DNAJC11: variants seen among roughly 807,000 people sequenced by gnomAD.
DNAJC11 encodes the protein dnaJ homolog subfamily C member 11.
Under a neutral mutation model 78.6 loss-of-function variants are expected in DNAJC11, and 15 were observed. The ratio of observed to expected loss-of-function variants is 0.19; its 90% CI spans 0.13 to 0.29. The LOEUF is 0.29. Ranked by LOEUF, DNAJC11 falls within the 10% of genes least tolerant of loss-of-function variation. The pLI, the probability that DNAJC11 is intolerant of heterozygous loss-of-function variation, is 1.00. For synonymous variants in DNAJC11, 292 were observed against 272.1 expected (o/e 1.07, Z -0.72); for missense variants, 547 against 709.6 (o/e 0.77, Z 2.60).
intron 10 of DNAJC11, among the ~76,000 whole-genome samples, chr1:6,643,509 T>G (rs999892430): frequency 2.0e-5 from 3 of 152,024 alleles, no homozygotes; most frequent in Non-Finnish European, 4.4e-5. Flanking sequence ...TCTCCTGACC[T>G]CGTGATCTGC....
chr1:6,659,478 G>A (rs972098839), intron 4 of DNAJC11, among the ~76,000 whole-genome samples: 1 of 152,230 alleles, frequency 6.6e-6, no homozygotes, highest in African/African-American at 2.4e-5. Context: ...TAAAACTGCA[G>A]GCTGGGCATG....
At chr1:6,644,437 C>T (rs1257215658) in intron 10 of DNAJC11, 121 bp downstream of exon 10, 2 of 796,370 alleles carry the variant, frequency 2.5e-6, no homozygotes, top group East Asian at 4.9e-5. Flanking sequence ...CCTAGCCAAG[C>T]AACTGTGTCT....
At position 6,690,784 on chromosome 1, in the gene DNAJC11, C is replaced by T. The variant is rs1484732070; in HGVS notation, c.73-9747G>A. 3.3e-5 allele frequency among the ~76,000 whole-genome samples: 5 copies of T among 152,084 alleles called. No individual in the cohort carries two copies. The East Asian group carries it at 7.7e-4, about 23-fold the overall frequency. ...CCAAAAATACAAAAAATTAGCTGGG[C>T]GTGGTGGCGGGCGCCTGTAGTCCCA... On this transcript the variant is annotated intron_variant, in intron 1 of 15. Transcript: ENST00000377577.
intron 10 of DNAJC11, among the ~76,000 whole-genome samples, chr1:6,644,078 G>A (rs993610829): frequency 2.6e-5 from 4 of 151,974 alleles, no homozygotes; most frequent in Non-Finnish European, 5.9e-5. Flanking sequence ...CACCATGTTA[G>A]CCAGGATGGT....
intron 7 of DNAJC11, chr1:6,651,230 C>A: frequency 1.6e-6 from 1 of 616,876 alleles, no homozygotes; most frequent in Non-Finnish European, 3.2e-6. Flanking sequence ...GGTCCACTGA[C>A]CAACTCTCCC....
intron 4 of DNAJC11, among the ~76,000 whole-genome samples, chr1:6,661,051 G>A (rs1381569121): frequency 1.3e-5 from 2 of 152,210 alleles, no homozygotes; most frequent in Admixed American, 6.5e-5. Flanking sequence ...GACTGCACAC[G>A]TGCCAGGTGT....
chr1:6,671,811 C>T lies in DNAJC11; in HGVS notation c.277-4001G>A, dbSNP rs148203001. 5.2e-3 allele frequency among the ~76,000 whole-genome samples: 793 copies of T among 152,236 alleles called. 9 individuals are homozygous for T. Among genetic ancestry groups the T allele is most frequent in the African/African-American group, 0.018 (728 of 41,548 alleles). ...CCTCCCAAAGTGGCGTGAGCCACTG[C>T]GCCCAGCGATATTTTATTTTATTTT... On this transcript the variant is annotated intron_variant, in intron 3 of 15. Transcript: ENST00000377577.
At chr1:6,688,764 C>T (rs1363079760) in intron 1 of DNAJC11, among the ~76,000 whole-genome samples, 2 of 152,136 alleles carry the variant, frequency 1.3e-5, no homozygotes, top group East Asian at 1.9e-4. Context: ...AATAACAGGC[C>T]GGTGTTGGGG....
At chr1:6,688,321 C>T (rs1642689753) in intron 1 of DNAJC11, among the ~76,000 whole-genome samples, 1 of 152,112 alleles carries the variant, frequency 6.6e-6, no homozygotes, top group Non-Finnish European at 1.5e-5. Context: ...AAATAAATTC[C>T]TTCCAATAAT....
chr1:6,686,842 A>G (rs1253035774), intron 1 of DNAJC11, among the ~76,000 whole-genome samples: 1 of 152,236 alleles, frequency 6.6e-6, no homozygotes, highest in Non-Finnish European at 1.5e-5. Flanking sequence ...TAAAGCCACC[A>G]GGTTTTTTGT....
At chr1:6,670,616 G>T (rs1166329950) in intron 3 of DNAJC11, 1 of 152,220 alleles carries the variant, frequency 6.6e-6, no homozygotes, top group African/African-American at 2.4e-5. Context: ...ACTAAAAAGG[G>T]GGAAGTGGTT....
intron 3 of DNAJC11, among the ~76,000 whole-genome samples, chr1:6,671,817 G>A (rs934898632): frequency 5.3e-5 from 8 of 152,104 alleles, no homozygotes; most frequent in Non-Finnish European, 1.0e-4. Context: ...ACTGCGCCCA[G>A]CGATATTTTA....
At chr1:6,644,444 G>T in intron 10 of DNAJC11, 114 bp downstream of exon 10, 2 of 837,614 alleles carry the variant, frequency 2.4e-6, no homozygotes, top group Non-Finnish European at 4.0e-6. Context: ...AAGCAACTGT[G>T]TCTTTAAGAA....
chr1:6,684,990 G>C (rs762088749), intron 1 of DNAJC11, among the ~76,000 whole-genome samples: 2 of 152,150 alleles, frequency 1.3e-5, no homozygotes, highest in Non-Finnish European at 2.9e-5. Flanking sequence ...TAACAGGGCT[G>C]GGTGCAATGG....
In DNAJC11 at chr1:6,635,714, G is replaced by A. The variant is rs1641752461; in HGVS notation, c.1655-14C>T. 6.2e-7 allele frequency: 1 copy of A among 1,613,996 alleles called. No individual in the cohort carries two copies. Among genetic ancestry groups the A allele is most frequent in the Non-Finnish European group, 8.5e-7 (1 of 1,180,008 alleles). Reference sequence around the variant, plus strand: ...CGATCCTGTGGGCTGTAAAGGAAAAGACAGACGCAGGTGATCAGAAGGTGG... The same window carrying A: ...CGATCCTGTGGGCTGTAAAGGAAAAAACAGACGCAGGTGATCAGAAGGTGG... On this transcript the variant is annotated splice_polypyrimidine_tract_variant and intron_variant, in intron 15 of 15. Transcript: ENST00000377577.
chr1:6,667,631 C>T (rs1642312520), intron 4 of DNAJC11, 78 bp downstream of exon 4: 3 of 1,182,092 alleles, frequency 2.5e-6, no homozygotes, highest in Non-Finnish European at 3.8e-6. Flanking sequence ...TCCACCAGCA[C>T]CTCATTATTT....
chr1:6,644,749 G>T, intron 9 of DNAJC11, 75 bp from the exon 10 acceptor site: 2 of 1,293,200 alleles, frequency 1.5e-6, no homozygotes, highest in Non-Finnish European at 2.2e-6. Context: ...TTGAGAAGAG[G>T]CCAGGTACCT....
intron 3 of DNAJC11, among the ~76,000 whole-genome samples, chr1:6,669,520 GAAAAGAAAAGA>G (rs1557480262): frequency 2.1e-4 from 20 of 95,046 alleles, no homozygotes; most frequent in African/African-American, 9.0e-4. Context: ...TCTTAGAAAA[GAAAAGAAAAGA>G]AAAGAAAAGA....
chr1:6,693,050 C>T (rs144927445), intron 1 of DNAJC11, among the ~76,000 whole-genome samples: 4 of 151,784 alleles, frequency 2.6e-5, no homozygotes, highest in Admixed American at 2.6e-4. Context: ...GGATTACAGG[C>T]GAGCATCACC....
Sources: gnomAD v4.1 joint callset for allele counts (sites outside exome capture counted in the v4.1 genomes callset) on GRCh38, gnomAD v4.1.1 for gene constraint, MANE v1.5 for transcripts, NCBI Gene and HGNC (gene_info 2026-07-23, HGNC 2026-07-21) for gene names.